The following CFHR5 variants were observed in gnomAD, a reference collection of about 807,000 sequenced individuals.
CFHR5 encodes complement factor H related 5.
A neutral mutation model predicts 62.9 loss-of-function variants in CFHR5; 73 were observed. That is an observed-to-expected ratio of 1.16 (90% confidence interval 0.96 to 1.41). The LOEUF is 1.41. Ranked by LOEUF, CFHR5 falls within the 40% of genes most tolerant of loss-of-function variation. The pLI is 0.00. For synonymous variants in CFHR5, 249 were observed against 227.2 expected (o/e 1.10, Z -0.86); for missense variants, 779 against 679.9 (o/e 1.15, Z -1.62).
At chr1:196,997,114 A>G (rs1654012598) in intron 6 of CFHR5, among the ~76,000 whole-genome samples, 1 of 152,138 alleles carries the variant, frequency 6.6e-6, no homozygotes, top group South Asian at 2.1e-4. Context: ...AAACTGAAAC[A>G]GAACCGCCTC....
At chr1:197,004,051 T>A (rs1053224997) in intron 8 of CFHR5, among the ~76,000 whole-genome samples, 1 of 152,168 alleles carries the variant, frequency 6.6e-6, no homozygotes, top group East Asian at 1.9e-4. Context: ...ATTTCATATT[T>A]ATGTTCTTGG....
rs758055313 is a variant in CFHR5, at chr1:196,996,092, T to C, written c.861T>C (p.Tyr287=). 1.2e-6 allele frequency: 2 copies of C among 1,613,770 alleles called. No homozygotes were observed. The highest frequency in any genetic ancestry group is 1.7e-5 in the Admixed American group (1 of 60,014). ...ATGTTCAGCCGTCTGTCCCTCCCTA[T>C]CAACATGGAGTTTCAGTCGAGGTGA... ...YGYVQPSVPP[Y]QHGVSVEVNC... is the part of the protein sequence containing the mutation. Residue 287 remains tyrosine (Y), a synonymous_variant, in exon 6 of 10, where the codon TAT becomes TAC. Coordinates refer to ENST00000256785, the MANE Select transcript of CFHR5 (RefSeq NM_030787.4).
At chr1:196,982,182 A>G (rs1346789042) in intron 1 of CFHR5, among the ~76,000 whole-genome samples, 1 of 152,202 alleles carries the variant, frequency 6.6e-6, no homozygotes, top group Non-Finnish European at 1.5e-5. Context: ...TGATGAGAAT[A>G]GAAAAAGAAA....
chr1:197,005,842 A>G (rs1489689785), intron 9 of CFHR5, among the ~76,000 whole-genome samples: 1 of 152,088 alleles, frequency 6.6e-6, no homozygotes, highest in Non-Finnish European at 1.5e-5. Flanking sequence ...AATTACCCCA[A>G]TGCCACTATG....
chr1:196,983,477 A>G (rs1653596668), intron 2 of CFHR5, among the ~76,000 whole-genome samples: 1 of 152,034 alleles, frequency 6.6e-6, no homozygotes, highest in African/African-American at 2.4e-5. Flanking sequence ...TGGTATTTTA[A>G]CTTTTATATT....
intron 3 of CFHR5, among the ~76,000 whole-genome samples, chr1:196,990,473 C>A (rs1653814788): frequency 6.6e-6 from 1 of 152,126 alleles, no homozygotes; most frequent in Non-Finnish European, 1.5e-5. Flanking sequence ...CATAGATGGT[C>A]TTTACAATTT....
chr1:197,001,459 A>G (rs1654151386), intron 7 of CFHR5, among the ~76,000 whole-genome samples: 1 of 151,860 alleles, frequency 6.6e-6, no homozygotes. Context: ...GTAGATATGC[A>G]CTCTTCTGTC....
At chr1:196,997,994 T>C in intron 6 of CFHR5, 134 bp from the exon 7 acceptor site, 1 of 582,124 alleles carries the variant, frequency 1.7e-6, no homozygotes, top group Non-Finnish European at 3.0e-6. Context: ...AACAGCATTG[T>C]CTATTTTGTG....
At chr1:196,981,100 A>G (rs1297083392) in intron 1 of CFHR5, among the ~76,000 whole-genome samples, 1 of 152,148 alleles carries the variant, frequency 6.6e-6, no homozygotes, top group Non-Finnish European at 1.5e-5. Context: ...AACATTAAAT[A>G]TTACTTCTAG....
chr1:196,998,096 G>A (rs1032035540), intron 6 of CFHR5, 32 bp from the exon 7 acceptor site: 9 of 1,305,860 alleles, frequency 6.9e-6, no homozygotes, highest in Admixed American at 2.0e-5. Context: ...TGACATAATT[G>A]TTTAGTTTCT....
chr1:197,004,061 G>C (rs1654220675), intron 8 of CFHR5, among the ~76,000 whole-genome samples: 1 of 152,178 alleles, frequency 6.6e-6, no homozygotes, highest in South Asian at 2.1e-4. Flanking sequence ...TATGTTCTTG[G>C]TGATATATAA....
chr1:196,997,067 A>C (rs1187199781), intron 6 of CFHR5, among the ~76,000 whole-genome samples: 1 of 152,068 alleles, frequency 6.6e-6, no homozygotes, highest in East Asian at 1.9e-4. Flanking sequence ...AACTTTAAAG[A>C]CAAGCAGACT....
intron 9 of CFHR5, among the ~76,000 whole-genome samples, chr1:197,005,412 T>C (rs1272600420): frequency 1.3e-5 from 2 of 152,132 alleles, no homozygotes; most frequent in Non-Finnish European, 2.9e-5. Context: ...TACAAAATAA[T>C]GCCAATATAC....
At position 196,982,956 on chromosome 1, in the gene CFHR5, C is replaced by T. The variant is rs768399259; in HGVS notation, c.130C>T (p.Gln44Ter). ...TGAAGAAGATTATAACCCTTTTTCC[C>T]AAGTTCCTACAGGGGAAGTTTTCTA... The part of the protein sequence containing the change: ...YDEEDYNPFS[Q>*]VPTGEVFYYS... The change falls in exon 2 of 10, where the codon CAA becomes TAA. Residue 44 changes from glutamine to a stop codon, truncating the protein, a stop_gained. Coordinates refer to ENST00000256785, the MANE Select transcript of CFHR5 (RefSeq NM_030787.4). LOFTEE classifies it high-confidence loss of function. 3 of 1,613,962 alleles carry T rather than the reference C, an allele frequency of 1.9e-6. No homozygotes were observed.
rs1467491884 is a variant in CFHR5 at position 197,008,851 on chromosome 1, G to T, written c.*168G>T. ...AGCTTTAGAAATTTGTAAGCTGAGA[G>T]AACAATGTTTCACTTAATAGGAGGG... On this transcript the variant is annotated 3_prime_UTR_variant, in exon 10 of 10. Coordinates refer to ENST00000256785, the MANE Select transcript of CFHR5 (RefSeq NM_030787.4). The T allele has an allele frequency of 2.2e-5, 14 of 637,394 alleles. No individual in the cohort carries two copies. Among genetic ancestry groups the T allele is most frequent in the East Asian group, 1.1e-4 (4 of 35,250 alleles). 39.5% of individuals were successfully genotyped at this position (637,394 alleles called of 1,614,324 possible).
At chr1:196,989,003 A>C (rs1409584049) in intron 3 of CFHR5, among the ~76,000 whole-genome samples, 2 of 151,316 alleles carry the variant, frequency 1.3e-5, no homozygotes, top group East Asian at 3.9e-4. Flanking sequence ...CTGGTCCTGA[A>C]CTTTTTTGGG....
intron 4 of CFHR5, 86 bp from the exon 5 acceptor site, chr1:196,995,631 A>C: frequency 8.6e-7 from 1 of 1,168,282 alleles, no homozygotes; most frequent in Non-Finnish European, 1.3e-6. Context: ...AAAGGCAATT[A>C]ATTTCTAAGT....
rs147662359 is a variant in CFHR5, at chr1:196,991,779, A to C, written c.431-2301A>C. 4.4e-3 allele frequency among the ~76,000 whole-genome samples: 664 copies of C among 152,178 alleles called. 2 individuals carry two copies. The highest frequency in any genetic ancestry group is 0.017 in the South Asian group (83 of 4,822). Reference sequence around the variant, plus strand: ...GAAGCTTCATCCCAGCGGGGCACCCACCTGTATGAGGTGTCAGTTTTCCCC... The same window carrying C: ...GAAGCTTCATCCCAGCGGGGCACCCCCCTGTATGAGGTGTCAGTTTTCCCC... On this transcript the variant is annotated intron_variant, in intron 3 of 9. Transcript: ENST00000256785.
chr1:196,999,307 A>G (rs1017052882), intron 7 of CFHR5, among the ~76,000 whole-genome samples: 2 of 151,744 alleles, frequency 1.3e-5, no homozygotes, highest in African/African-American at 2.4e-5. Context: ...TATTTTTTCT[A>G]TTTGAGGAAG....
Sources: allele counts gnomAD v4.1 joint callset (sites outside exome capture counted in the v4.1 genomes callset), GRCh38; gene constraint gnomAD v4.1.1; transcripts MANE v1.5; gene names NCBI Gene and HGNC (gene_info 2026-07-23, HGNC 2026-07-21).